Variants in HACL1 observed in about 807,000 individuals in gnomAD.
The protein encoded by HACL1 is 1600020H07Rik.
In HACL1, 64 loss-of-function variants were observed where a neutral mutation model predicts 74.2. The ratio of observed to expected loss-of-function variants is 0.86; its 90% CI spans 0.70 to 1.06. The LOEUF (loss-of-function observed/expected upper bound fraction) is 1.06, where lower values mean the gene tolerates loss of function less well. Ranked by LOEUF, HACL1 falls within the 50% of genes least tolerant of loss-of-function variation. The probability of loss-of-function intolerance (pLI) is 0.00; values close to 1 mark genes in which losing one functional copy is unlikely to be tolerated. For synonymous variants in HACL1, 230 were observed against 238.8 expected (o/e 0.96, Z 0.34); for missense variants, 728 against 719.7 (o/e 1.01, Z -0.13).
At chr3:15,589,063 T>G (rs1324906067) in intron 5 of HACL1, among the ~76,000 whole-genome samples, 1 of 152,228 alleles carries the variant, frequency 6.6e-6, no homozygotes, top group Non-Finnish European at 1.5e-5. Context: ...ACCCTGAAGT[T>G]GTCTTATAGT....
intron 9 of HACL1, among the ~76,000 whole-genome samples, chr3:15,578,623 C>CA (rs1189356236): frequency 2.6e-5 from 4 of 152,098 alleles, no homozygotes; most frequent in Admixed American, 2.6e-4. Context: ...GGGGAAATGT[C>CA]AGATTTTTTT....
intron 6 of HACL1, 54 bp downstream of exon 6, chr3:15,586,471 T>C (rs1405930065): frequency 4.5e-6 from 4 of 898,136 alleles, no homozygotes; most frequent in African/African-American, 1.7e-5. Context: ...ACAGTAAGTA[T>C]GAGCAACTGA....
At chr3:15,570,375 T>C (rs2063505626) in intron 12 of HACL1, among the ~76,000 whole-genome samples, 1 of 151,870 alleles carries the variant, frequency 6.6e-6, no homozygotes, top group Non-Finnish European at 1.5e-5. Context: ...TAAGACAGAT[T>C]CATGTACAAT....
rs2063421195 is a variant in HACL1, at chr3:15,565,631, GC to G, written c.1410-974del. The stretch of plus-strand genomic sequence containing the variant: ...CAAGTGGTAAAAACAAAACTAAACT[GC>G]ATACTGTTAAATAACAGGACTGTGG... On this transcript the variant is annotated intron_variant, in intron 14 of 16. Coordinates refer to ENST00000321169, the MANE Select transcript of HACL1 (RefSeq NM_012260.4). 5.3e-5 allele frequency among the ~76,000 whole-genome samples: 8 copies of G among 152,328 alleles called. No individual in the cohort carries two copies. In the South Asian group the frequency reaches 1.7e-3, roughly 32 times the overall value.
intron 11 of HACL1, among the ~76,000 whole-genome samples, chr3:15,572,012 G>C (rs570680192): frequency 1.7e-4 from 25 of 151,268 alleles, no homozygotes; most frequent in Non-Finnish European, 2.2e-4. Context: ...GCTAATTTTT[G>C]TATTTTTAGT....
At chr3:15,598,217 C>T (rs2064107581) in intron 2 of HACL1, among the ~76,000 whole-genome samples, 1 of 152,096 alleles carries the variant, frequency 6.6e-6, no homozygotes, top group South Asian at 2.1e-4. Flanking sequence ...AACGGGGTTT[C>T]TCCATGTTGG....
At position 15,567,853 on chromosome 3, in the gene HACL1, G is replaced by A. The variant is rs751708677; in HGVS notation, c.1400C>T (p.Thr467Ile). 3.7e-6 allele frequency: 6 copies of A among 1,613,516 alleles called. No individual in the cohort carries two copies. The Middle Eastern group carries it at 4.9e-4, about 133-fold the overall frequency. ...AFGFSGMEVE[T>I]ICRYNLPIIL... is the part of the protein sequence containing the mutation. The stretch of plus-strand genomic sequence containing the variant: ...CAGGATGATGTTTTACCTGCAGATG[G>A]TTTCTACCTCCATGCCAGAAAACCC... Residue 467 changes from threonine (T) to isoleucine (I), a missense_variant, in exon 14 of 17, where the codon ACC (threonine) becomes ATC (isoleucine). Transcript: ENST00000321169.
At position 15,567,991 on chromosome 3, in the gene HACL1, C is replaced by A; in HGVS notation, c.1262G>T (p.Gly421Val). ...NYLPRHRLDAGTFGTMGVGLG... is the reference protein window; with the variant it reads ...NYLPRHRLDAVTFGTMGVGLG... ...ACCAACTCCCATTGTTCCGAAAGTA[C>A]CAGCATCAAGCCTGTTGGAGAACAA... The change falls in exon 14 of 17, where the codon GGT (glycine) becomes GTT (valine). Residue 421 changes from glycine (G) to valine (V), a missense_variant. Gly to Val is a moderately radical substitution (Grantham distance 109). Coordinates refer to ENST00000321169, the MANE Select transcript of HACL1 (RefSeq NM_012260.4). The A allele has an allele frequency of 6.2e-7, 1 of 1,614,080 alleles. No individual in the cohort carries two copies. The highest frequency in any genetic ancestry group is 8.5e-7 in the Non-Finnish European group (1 of 1,179,942).
chr3:15,575,686 C>A (rs1233333832), intron 9 of HACL1, among the ~76,000 whole-genome samples: 3 of 152,120 alleles, frequency 2.0e-5, no homozygotes, highest in Non-Finnish European at 2.9e-5. Flanking sequence ...GGACTACAGG[C>A]ACGTGCCACT....
rs371074362 is a variant in HACL1 at position 15,571,796 on chromosome 3, C to G, written c.994-27G>C. 42 of 716,982 alleles carry G rather than the reference C, an allele frequency of 5.9e-5. No individual in the cohort carries two copies. In the African/African-American group the frequency reaches 6.9e-4, roughly 12 times the overall value. 44.4% of individuals were successfully genotyped at this position (716,982 alleles called of 1,614,324 possible). ...TTAAAAAAAAAAAAACACACACACA[C>G]AAACACATAAACTTTTTCTTTGCCT... On this transcript the variant is annotated intron_variant, in intron 11 of 16. Coordinates refer to ENST00000321169, the MANE Select transcript of HACL1 (RefSeq NM_012260.4).
At position 15,571,784 on chromosome 3, in the gene HACL1, A is replaced by C. The variant is rs563925541; in HGVS notation, c.994-15T>G. 674 of 899,834 alleles carry C rather than the reference A, an allele frequency of 7.5e-4. 6 individuals are homozygous for C. The highest frequency in any genetic ancestry group is 3.2e-3 in the Admixed American group (148 of 46,012). The allele number at this position is 899,834 out of a possible 1,614,324, so 55.7% of individuals were successfully genotyped here. A position where few individuals can be genotyped will look rare whatever the true frequency, so the allele number is the denominator to read the frequency against. Reference sequence around the variant, plus strand: ...TCCTCTAAAAGCTTAAAAAAAAAAAAACACACACACACAAACACATAAACT... The same window carrying C: ...TCCTCTAAAAGCTTAAAAAAAAAAACACACACACACACAAACACATAAACT... On this transcript the variant is annotated splice_polypyrimidine_tract_variant and intron_variant, in intron 11 of 16. Transcript: ENST00000321169.
intron 8 of HACL1, 38 bp downstream of exon 8, chr3:15,582,839 C>G: frequency 9.5e-7 from 1 of 1,049,496 alleles, no homozygotes; most frequent in Non-Finnish European, 1.5e-6. Context: ...TTGGCACTTT[C>G]AAAAGCCTAG....
intron 3 of HACL1, among the ~76,000 whole-genome samples, chr3:15,595,705 G>A (rs2064048972): frequency 1.4e-5 from 2 of 147,490 alleles, no homozygotes; most frequent in African/African-American, 2.5e-5. Flanking sequence ...CGCCTCCTGG[G>A]TTCAAGCCGA....
At chr3:15,584,689 G>A (rs1013921486) in intron 7 of HACL1, among the ~76,000 whole-genome samples, 2 of 152,068 alleles carry the variant, frequency 1.3e-5, no homozygotes, top group African/African-American at 4.8e-5. Context: ...CAGCAGAAAC[G>A]CACTAAACAG....
intron 7 of HACL1, among the ~76,000 whole-genome samples, chr3:15,583,368 G>A (rs1290438959): frequency 6.6e-6 from 1 of 152,170 alleles, no homozygotes; most frequent in Non-Finnish European, 1.5e-5. Context: ...GAAAATCTGA[G>A]TTAATGGCTT....
intron 3 of HACL1, among the ~76,000 whole-genome samples, chr3:15,593,855 T>C (rs2064005954): frequency 6.8e-6 from 1 of 146,320 alleles, no homozygotes; most frequent in African/African-American, 2.5e-5. Context: ...TGCAGTGCAA[T>C]GGTGTGATCT....
At chr3:15,575,211 G>T in intron 9 of HACL1, 129 bp from the exon 10 acceptor site, 1 of 500,698 alleles carries the variant, frequency 2.0e-6, no homozygotes, top group South Asian at 4.1e-5. Flanking sequence ...CAGCTTCTAG[G>T]GTATATTTGA....
At position 15,567,953 on chromosome 3, in the gene HACL1, T is replaced by C. The variant is rs761709264; in HGVS notation, c.1300A>G (p.Ile434Val). ...GTMGVGLGFAIAAAVVAKDRS... is the reference protein window; with the variant it reads ...GTMGVGLGFAVAAAVVAKDRS... Reference sequence around the variant, plus strand: ...TCTTTAGCCACCACGGCAGCTGCAATAGCAAATCCCAAACCAACTCCCATT... The same window carrying C: ...TCTTTAGCCACCACGGCAGCTGCAACAGCAAATCCCAAACCAACTCCCATT... The change falls in exon 14 of 17, where the codon ATT becomes GTT. Residue 434 changes from isoleucine to valine, a missense_variant. Transcript: ENST00000321169. 9.3e-6 allele frequency: 15 copies of C among 1,613,898 alleles called. No homozygotes were observed. The highest frequency in any genetic ancestry group is 6.7e-5 in the Admixed American group (4 of 60,014).
intron 3 of HACL1, among the ~76,000 whole-genome samples, chr3:15,593,971 T>C (rs1056808690): frequency 6.6e-6 from 1 of 152,092 alleles, no homozygotes; most frequent in African/African-American, 2.4e-5. Context: ...CTAATTTTTG[T>C]ATTTTTAGTA....
Sources: gnomAD v4.1 joint callset for allele counts (sites outside exome capture counted in the v4.1 genomes callset) on GRCh38, gnomAD v4.1.1 for gene constraint, MANE v1.5 for transcripts, NCBI Gene and HGNC (gene_info 2026-07-23, HGNC 2026-07-21) for gene names.